STAU1: variants seen among roughly 807,000 people sequenced by gnomAD.
The protein encoded by STAU1 is staufen double-stranded RNA binding protein 1.
STAU1 carries 13 observed loss-of-function variants against 62.9 expected under a neutral mutation model. The observed-to-expected ratio is 0.21, with a 90% confidence interval of 0.13 to 0.33. The LOEUF (loss-of-function observed/expected upper bound fraction) is 0.33, where lower values mean the gene tolerates loss of function less well. Ranked by LOEUF, STAU1 falls within the 10% of genes least tolerant of loss-of-function variation. The pLI, the probability that STAU1 is intolerant of heterozygous loss-of-function variation, is 1.00. For synonymous variants in STAU1, 269 were observed against 265.1 expected (o/e 1.01, Z -0.14); for missense variants, 571 against 712.1 (o/e 0.80, Z 2.25).
At chr20:49,187,599 A>G (rs912259657) in intron 1 of STAU1, among the ~76,000 whole-genome samples, 12 of 152,064 alleles carry the variant, frequency 7.9e-5, no homozygotes, top group African/African-American at 2.9e-4. Context: ...CAGGGACGGT[A>G]TTAGCAGCCC....
chr20:49,195,535 CAAAAAAAAAA>C, the STAU1 span, among the ~76,000 whole-genome samples: 9 of 38,146 alleles, frequency 2.4e-4, no homozygotes, highest in Non-Finnish European at 3.1e-4. Flanking sequence ...GACTCCGTCT[CAAAAAAAAAA>C]AAAAAAAAAA....
intron 8 of STAU1, among the ~76,000 whole-genome samples, chr20:49,122,463 C>T (rs2092484956): frequency 6.6e-6 from 1 of 152,228 alleles, no homozygotes; most frequent in Non-Finnish European, 1.5e-5. Flanking sequence ...GCAACACACC[C>T]ACATTCCCAC....
the STAU1 span, among the ~76,000 whole-genome samples, chr20:49,205,919 C>G: frequency 6.6e-6 from 1 of 151,840 alleles, no homozygotes; most frequent in African/African-American, 2.4e-5. Context: ...GGTGATCTGC[C>G]CAACTCGGCC....
chr20:49,126,588 C>CA lies in STAU1; in HGVS notation c.610-2002dup. ...GTCTCAAAAAGCAAAAAAAAAAAAA[C>CA]AAAAAAAAAACAAAAAAACTTAAAA... is the stretch of plus-strand genomic sequence containing the variant. On this transcript the variant is annotated intron_variant, in intron 6 of 13. Coordinates refer to ENST00000371856, the MANE Select transcript of STAU1 (RefSeq NM_017453.4). Among the ~76,000 whole-genome samples the CA allele has an allele frequency of 3.2e-3, 180 of 56,322 alleles. 15 individuals are homozygous for CA. Among genetic ancestry groups the CA allele is most frequent in the East Asian group, 6.3e-3 (16 of 2,542 alleles). 36.9% of individuals were successfully genotyped at this position (56,322 alleles called of 152,430 possible). A position where few individuals can be genotyped will look rare whatever the true frequency, so the allele number is the denominator to read the frequency against.
At chr20:49,131,751 G>A (rs2092754365) in intron 6 of STAU1, among the ~76,000 whole-genome samples, 1 of 151,628 alleles carries the variant, frequency 6.6e-6, no homozygotes, top group Non-Finnish European at 1.5e-5. Context: ...GCTGAGGCAG[G>A]AGAATTGCTT....
At chr20:49,126,692 G>C (rs548025571) in intron 6 of STAU1, among the ~76,000 whole-genome samples, 7 of 148,508 alleles carry the variant, frequency 4.7e-5, no homozygotes, top group African/African-American at 1.5e-4. Flanking sequence ...TTCCTATAAA[G>C]TCACAACAAC....
At chr20:49,125,534 G>C (rs1447467461) in intron 6 of STAU1, among the ~76,000 whole-genome samples, 1 of 76,374 alleles carries the variant, frequency 1.3e-5, no homozygotes, top group Non-Finnish European at 2.5e-5. Context: ...TGTCTCAAAG[G>C]AAAAAAAAAA....
chr20:49,191,563 C>T (rs543430323), upstream of STAU1, among the ~76,000 whole-genome samples: 8 of 152,188 alleles, frequency 5.3e-5, no homozygotes, highest in East Asian at 5.8e-4. Context: ...CTTATCTCTG[C>T]GCAAGTCCCT....
chr20:49,182,682 C>CA (rs1380722995), intron 1 of STAU1, among the ~76,000 whole-genome samples: 5 of 151,846 alleles, frequency 3.3e-5, no homozygotes, highest in African/African-American at 2.4e-5. Flanking sequence ...ACTAAAAACA[C>CA]AAAAAAATTA....
chr20:49,119,312 G>A (rs1369423378), intron 9 of STAU1, among the ~76,000 whole-genome samples: 2 of 152,022 alleles, frequency 1.3e-5, no homozygotes, highest in Non-Finnish European at 2.9e-5. Flanking sequence ...CTTGTAGCTC[G>A]GGCTACAGGT....
chr20:49,199,423 G>A, the STAU1 span, among the ~76,000 whole-genome samples: 1 of 150,284 alleles, frequency 6.7e-6, no homozygotes, highest in South Asian at 2.1e-4. Context: ...TAGAGATGGG[G>A]TTTCACCATG....
intron 5 of STAU1, among the ~76,000 whole-genome samples, chr20:49,141,452 G>A (rs1353906536): frequency 6.6e-6 from 1 of 152,192 alleles, no homozygotes; most frequent in Non-Finnish European, 1.5e-5. Flanking sequence ...TTACCCAGGT[G>A]CAGTGGAGTG....
intron 1 of STAU1, among the ~76,000 whole-genome samples, chr20:49,178,919 A>C (rs1052900748): frequency 2.0e-5 from 3 of 150,520 alleles, no homozygotes; most frequent in African/African-American, 7.3e-5. Context: ...TAAAAAAAAA[A>C]AAAAAAAAAC....
intron 5 of STAU1, among the ~76,000 whole-genome samples, chr20:49,139,022 G>A (rs906696197): frequency 1.6e-4 from 25 of 151,978 alleles, no homozygotes; most frequent in African/African-American, 4.6e-4. Flanking sequence ...AACAAATGGT[G>A]CTAGGAAAAC....
At chr20:49,120,265 T>A in intron 8 of STAU1, 137 bp from the exon 9 acceptor site, 1 of 925,838 alleles carries the variant, frequency 1.1e-6, no homozygotes, top group Non-Finnish European at 1.6e-6. Flanking sequence ...GGCCTCCTTG[T>A]CTCTGAGAGC....
chr20:49,138,666 A>ATT (rs1176367049), intron 5 of STAU1, among the ~76,000 whole-genome samples: 1 of 151,556 alleles, frequency 6.6e-6, no homozygotes, highest in East Asian at 1.9e-4. Flanking sequence ...ACTCCCAGCT[A>ATT]TTTTTTTTAA....
intron 2 of STAU1, among the ~76,000 whole-genome samples, chr20:49,170,804 A>G (rs1367397393): frequency 6.7e-6 from 1 of 149,302 alleles, no homozygotes; most frequent in Non-Finnish European, 1.5e-5. Context: ...AAAAAAAAAG[A>G]AGGAAAGAAG....
intron 6 of STAU1, among the ~76,000 whole-genome samples, chr20:49,128,642 G>C (rs1312995443): frequency 6.6e-6 from 1 of 151,892 alleles, no homozygotes; most frequent in African/African-American, 2.4e-5. Context: ...ATTTAATAAA[G>C]GACTGTCTCA....
chr20:49,118,622 C>G (rs1399195956), intron 9 of STAU1, among the ~76,000 whole-genome samples: 2 of 152,202 alleles, frequency 1.3e-5, no homozygotes, highest in Non-Finnish European at 2.9e-5. Context: ...ACACCCCTGC[C>G]CACAAAGAGC....
Sources: allele counts gnomAD v4.1 joint callset (sites outside exome capture counted in the v4.1 genomes callset), GRCh38; gene constraint gnomAD v4.1.1; transcripts MANE v1.5; gene names NCBI Gene and HGNC (gene_info 2026-07-23, HGNC 2026-07-21).